KMT2C: variants seen among roughly 807,000 people sequenced by gnomAD.
KMT2C encodes histone-lysine N-methyltransferase 2C.
Under a neutral mutation model 507.9 loss-of-function variants are expected in KMT2C, and 88 were observed. The observed-to-expected ratio is 0.17, with a 90% confidence interval of 0.15 to 0.21. The LOEUF (loss-of-function observed/expected upper bound fraction) is 0.21. Ranked by LOEUF, KMT2C falls within the 10% of genes least tolerant of loss-of-function variation. The pLI is 1.00. For synonymous variants in KMT2C, 2,049 were observed against 2,080.8 expected (o/e 0.98, Z 0.42); for missense variants, 4,954 against 5,957.8 (o/e 0.83, Z 5.55).
At position 152,272,217 on chromosome 7, in the gene KMT2C, C is replaced by T. The variant is rs531128716; in HGVS notation, c.1012+1488G>A. ...GATCAACAACAGCATATTATCTCAC[C>T]TCAGTATTTATTATTTTACAAACTG... is the stretch of plus-strand genomic sequence containing the variant. On this transcript the variant is annotated intron_variant, in intron 7 of 58. Transcript: ENST00000262189. Among the ~76,000 whole-genome samples, 8 of 152,232 alleles carry T rather than the reference C, an allele frequency of 5.3e-5. No homozygotes were observed. The East Asian group carries it at 1.5e-3, about 29-fold the overall frequency.
intron 1 of KMT2C, chr7:152,367,743 G>A (rs975086086): frequency 2.1e-5 from 23 of 1,087,010 alleles, no homozygotes; most frequent in African/African-American, 4.7e-5. Flanking sequence ...GCCTCTTATC[G>A]ATTACATTGA....
At position 152,177,718 on chromosome 7, in the gene KMT2C, C is replaced by G. The variant is rs2129115294; in HGVS notation, c.7735G>C (p.Gly2579Arg). Reference protein sequence around the residue: ...RQRLPFSAPPGSVVEASSNLR... With the variant: ...RQRLPFSAPPRSVVEASSNLR... ...TTAGAAGATGCCTCTACAACGCTGCCAGGTGGAGCACTGAAAGGCAGCCGT... is the reference window on the plus strand; with the variant it reads ...TTAGAAGATGCCTCTACAACGCTGCGAGGTGGAGCACTGAAAGGCAGCCGT... The change falls in exon 38 of 59, where the codon GGC (glycine) becomes CGC (arginine). Residue 2579 changes from glycine to arginine, a missense_variant. Transcript: ENST00000262189. 1 of 1,614,046 alleles carries G rather than the reference C, an allele frequency of 6.2e-7. No individual in the cohort carries two copies. Among genetic ancestry groups the G allele is most frequent in the Non-Finnish European group, 8.5e-7 (1 of 1,180,016 alleles).
At chr7:152,422,284 T>TAA (rs11423616) in intron 1 of KMT2C, among the ~76,000 whole-genome samples, 46 of 97,388 alleles carry the variant, frequency 4.7e-4, no homozygotes, top group Admixed American at 1.3e-3. Flanking sequence ...CAGTCTCTAC[T>TAA]AAAAAAAAAA....
intron 2 of KMT2C, among the ~76,000 whole-genome samples, chr7:152,342,290 T>C (rs933382254): frequency 6.6e-6 from 1 of 152,192 alleles, no homozygotes; most frequent in African/African-American, 2.4e-5. Flanking sequence ...CAAATGGTAA[T>C]CTTGATATTA....
Position 152,163,321 on chromosome 7 carries a change from A to G in KMT2C, c.10256T>C (p.Val3419Ala), listed in dbSNP as rs764400299. Residue 3419 changes from valine (V) to alanine (A), a missense_variant, in exon 43 of 59, where the codon GTA becomes GCA. Val to Ala is a moderately conservative substitution (Grantham distance 64). Around this residue, in one of 29 missense-constraint regions of KMT2C, gnomAD observed 801 missense variants for 751.2 expected, o/e 1.07. Coordinates refer to ENST00000262189, the MANE Select transcript of KMT2C (RefSeq NM_170606.3). ...ERQRIQLMQE[V>A]DRQRALQQRM... ...CTGCTGCAAAGCTCTTTGTCTATCTACCTCCTGCATGAGTTGGATCCGTTG... is the reference window on the plus strand; with the variant it reads ...CTGCTGCAAAGCTCTTTGTCTATCTGCCTCCTGCATGAGTTGGATCCGTTG... 1 of 1,613,702 alleles carries G rather than the reference A, an allele frequency of 6.2e-7. No homozygotes were observed. Among genetic ancestry groups the G allele is most frequent in the Non-Finnish European group, 8.5e-7 (1 of 1,179,944 alleles).
At chr7:152,349,284 A>G (rs1261708878) in intron 2 of KMT2C, among the ~76,000 whole-genome samples, 2 of 152,040 alleles carry the variant, frequency 1.3e-5, no homozygotes, top group Non-Finnish European at 2.9e-5. Flanking sequence ...CGTCTCTACT[A>G]AAAATACAAA....
chr7:152,278,268 C>CT (rs899113010), intron 6 of KMT2C, among the ~76,000 whole-genome samples: 142 of 148,606 alleles, frequency 9.6e-4, no homozygotes, highest in African/African-American at 1.8e-3. Context: ...TGATTTCAAA[C>CT]TTTTTTTTTT....
At chr7:152,257,044 A>T (rs1156287993) in intron 9 of KMT2C, among the ~76,000 whole-genome samples, 1 of 152,208 alleles carries the variant, frequency 6.6e-6, no homozygotes, top group Non-Finnish European at 1.5e-5. Flanking sequence ...TCAAAAACAC[A>T]CATGCACAAA....
chr7:152,387,469 A>ATTTGTTTTTTTTG (rs2097440389), intron 1 of KMT2C, among the ~76,000 whole-genome samples: 1 of 115,718 alleles, frequency 8.6e-6, no homozygotes, highest in African/African-American at 3.3e-5. Context: ...GTATAATTCC[A>ATTTGTTTTTTTTG]TTTTTTTTTT....
chr7:152,140,186 T>A (rs1048610606), intron 55 of KMT2C, among the ~76,000 whole-genome samples: 1 of 152,156 alleles, frequency 6.6e-6, no homozygotes, highest in Non-Finnish European at 1.5e-5. Context: ...ATAAATTCAA[T>A]AACATAGAAA....
intron 6 of KMT2C, among the ~76,000 whole-genome samples, chr7:152,283,165 C>A (rs1588888835): frequency 2.6e-5 from 4 of 152,280 alleles, no homozygotes; most frequent in African/African-American, 9.6e-5. Context: ...AACATCCACC[C>A]CCATTTTTTT....
intron 33 of KMT2C, among the ~76,000 whole-genome samples, chr7:152,187,061 T>C (rs190342439): frequency 1.3e-5 from 2 of 152,262 alleles, no homozygotes; most frequent in African/African-American, 4.8e-5. Flanking sequence ...TTGAAACTAA[T>C]TTTTGGGAAA....
chr7:152,297,091 G>GAGAA (rs1157452472), intron 6 of KMT2C, among the ~76,000 whole-genome samples: 4 of 147,390 alleles, frequency 2.7e-5, no homozygotes, highest in Admixed American at 1.3e-4. Context: ...GAGAGAGAGA[G>GAGAA]AGAAAGAAAG....
intron 46 of KMT2C, chr7:152,155,048 T>G (rs2091943562): frequency 6.6e-6 from 1 of 152,218 alleles, no homozygotes; most frequent in African/African-American, 2.4e-5. Flanking sequence ...TCCCTTCTGT[T>G]GAGTTCAAGT....
chr7:152,359,570 G>A (rs1377747499), intron 1 of KMT2C, among the ~76,000 whole-genome samples: 1 of 151,672 alleles, frequency 6.6e-6, no homozygotes, highest in Non-Finnish European at 1.5e-5. Flanking sequence ...AAGAGTTCAA[G>A]ACCAGCCTGG....
intron 31 of KMT2C, 95 bp downstream of exon 31, chr7:152,193,914 A>G (rs762842610): frequency 1.9e-5 from 22 of 1,186,650 alleles, no homozygotes; most frequent in Admixed American, 2.9e-5. Context: ...CGTGGCTACT[A>G]AAGAATAGGG....
chr7:152,369,341 A>C (rs1303892254), intron 1 of KMT2C, among the ~76,000 whole-genome samples: 1 of 151,966 alleles, frequency 6.6e-6, no homozygotes, highest in Admixed American at 6.6e-5. Context: ...ACAAAAACAA[A>C]AAAAAAAACA....
intron 15 of KMT2C, among the ~76,000 whole-genome samples, chr7:152,236,508 G>A (rs201253808): frequency 2.6e-5 from 4 of 152,072 alleles, no homozygotes; most frequent in Admixed American, 6.5e-5. Flanking sequence ...GCAGCGTCCC[G>A]GGGTTGGAAG....
In KMT2C at chr7:152,343,453, A is replaced by C. The variant is rs1255615378; in HGVS notation, c.251-12714T>G. Reference sequence around the variant, plus strand: ...AAAGCAAAGAGAAAAAGACTGGGAAAAAAAAAAAAAAAAAGAACAGAATGT... The same window carrying C: ...AAAGCAAAGAGAAAAAGACTGGGAACAAAAAAAAAAAAAAGAACAGAATGT... On this transcript the variant is annotated intron_variant, in intron 2 of 58. Transcript: ENST00000262189. Among the ~76,000 whole-genome samples the C allele has an allele frequency of 2.6e-5, 4 of 151,186 alleles. No homozygotes were observed. In the South Asian group the frequency reaches 8.3e-4, roughly 31 times the overall value.
Sources: allele counts gnomAD v4.1 joint callset (sites outside exome capture counted in the v4.1 genomes callset), GRCh38; gene constraint gnomAD v4.1.1; regional missense constraint gnomAD v4.1.1; transcripts MANE v1.5; gene names NCBI Gene and HGNC (gene_info 2026-07-23, HGNC 2026-07-21).